Variants in CDK7 observed in about 807,000 individuals in gnomAD.
CDK7 encodes cyclin dependent kinase 7.
Under a neutral mutation model 49.1 loss-of-function variants are expected in CDK7, and 25 were observed. The ratio of observed to expected loss-of-function variants is 0.51; its 90% CI spans 0.37 to 0.71. CDK7 has a LOEUF of 0.71. Ranked by LOEUF, CDK7 falls within the 30% of genes least tolerant of loss-of-function variation. The pLI is 0.00. For synonymous variants in CDK7, 107 were observed against 140.0 expected (o/e 0.76, Z 1.67); for missense variants, 316 against 411.7 (o/e 0.77, Z 2.01).
At chr5:69,258,009 A>T in intron 5 of CDK7, 34 bp from the exon 6 acceptor site, 1 of 985,916 alleles carries the variant, frequency 1.0e-6, no homozygotes, top group Non-Finnish European at 1.6e-6. Flanking sequence ...TGAAATAATA[A>T]AGGGTACCTG....
chr5:69,236,239 TA>T (rs35402446), intron 2 of CDK7, among the ~76,000 whole-genome samples: 9,672 of 136,352 alleles, frequency 0.071, 807 homozygotes, highest in East Asian at 0.21. Context: ...GACTCCATCT[TA>T]AAAAAAAAAA....
At position 69,235,386 on chromosome 5, in the gene CDK7, C is replaced by G; in HGVS notation, c.67-8C>G. On this transcript the variant is annotated splice_region_variant and splice_polypyrimidine_tract_variant and intron_variant, in intron 1 of 11. Coordinates refer to ENST00000256443, the MANE Select transcript of CDK7 (RefSeq NM_001799.4). ...ATAAACTTATGTTATTTCTATTTTT[C>G]TTTCTAGTTTGCCACCGTTTACAAG... 6.3e-7 allele frequency: 1 copy of G among 1,583,040 alleles called. No individual in the cohort carries two copies. The highest frequency in any genetic ancestry group is 8.7e-7 in the Non-Finnish European group (1 of 1,152,552).
At chr5:69,258,878 C>G (rs989005169) in intron 6 of CDK7, among the ~76,000 whole-genome samples, 1 of 152,016 alleles carries the variant, frequency 6.6e-6, no homozygotes, top group African/African-American at 2.4e-5. Context: ...GAGTTCTAGA[C>G]CAGCCTGGGC....
chr5:69,267,544 G>T (rs372532314), intron 8 of CDK7, among the ~76,000 whole-genome samples: 1 of 151,720 alleles, frequency 6.6e-6, no homozygotes, highest in Non-Finnish European at 1.5e-5. Flanking sequence ...TGATCCACTC[G>T]CCTCACCCTC....
intron 10 of CDK7, among the ~76,000 whole-genome samples, chr5:69,275,596 T>C (rs1752037850): frequency 6.6e-6 from 1 of 152,152 alleles, no homozygotes; most frequent in Non-Finnish European, 1.5e-5. Flanking sequence ...ATGCCACAAG[T>C]GGAAAATTCT....
chr5:69,259,603 G>T (rs1750691844), intron 6 of CDK7, among the ~76,000 whole-genome samples: 1 of 152,064 alleles, frequency 6.6e-6, no homozygotes, highest in African/African-American at 2.4e-5. Flanking sequence ...TGTAAATTAT[G>T]GCTTAGTGAA....
intron 7 of CDK7, among the ~76,000 whole-genome samples, chr5:69,261,490 CTG>C (rs1168767153): frequency 0.038 from 5,304 of 139,586 alleles, 273 homozygotes; most frequent in East Asian, 0.2. Flanking sequence ...AAAAGGTTCT[CTG>C]TGTGTGTGTG....
intron 10 of CDK7, among the ~76,000 whole-genome samples, chr5:69,274,926 T>C (rs893618948): frequency 1.3e-5 from 2 of 152,034 alleles, no homozygotes; most frequent in Admixed American, 1.3e-4. Flanking sequence ...AGAAGTATTT[T>C]AAATCATTGT....
rs756945958 is a variant in CDK7 at position 69,255,707 on chromosome 5, A to G, written c.297+179A>G. The G allele has an allele frequency of 1.7e-5, 11 of 650,320 alleles. No homozygotes were observed. In the East Asian group the frequency reaches 3.0e-4, roughly 18 times the overall value. 40.3% of individuals were successfully genotyped at this position (650,320 alleles called of 1,614,324 possible). A position where few individuals can be genotyped will look rare whatever the true frequency, so the allele number is the denominator to read the frequency against. On this transcript the variant is annotated intron_variant, in intron 5 of 11. Transcript: ENST00000256443. The stretch of plus-strand genomic sequence containing the variant: ...GTTATTTTCTTCTAATCATTTAGTG[A>G]TATCCCCAGTGTTACATACAAAGAT...
Position 69,270,414 on chromosome 5 carries a change from T to C in CDK7, c.714+1121T>C, listed in dbSNP as rs1751454173. ...GAGCTGTGATTGCACCACTGCGCTT[T>C]ACCAGCATGAGTAACTGAGTGAGTC... On this transcript the variant is annotated intron_variant, in intron 9 of 11. Coordinates refer to ENST00000256443, the MANE Select transcript of CDK7 (RefSeq NM_001799.4). Among the ~76,000 whole-genome samples the C allele has an allele frequency of 1.3e-5, 2 of 152,212 alleles. 1 individual carries two copies. The highest frequency in any genetic ancestry group is 4.1e-4 in the South Asian group (2 of 4,822).
At chr5:69,255,725 A>G (rs549694633) in intron 5 of CDK7, 197 bp downstream of exon 5, 2 of 585,728 alleles carry the variant, frequency 3.4e-6, no homozygotes, top group Admixed American at 5.9e-5. Context: ...AGTGTTACAT[A>G]CAAAGATTTG....
intron 5 of CDK7, among the ~76,000 whole-genome samples, chr5:69,257,397 C>T (rs1260288387): frequency 6.6e-6 from 1 of 152,184 alleles, no homozygotes. Flanking sequence ...ACATTAGGCA[C>T]AGCTCATAAA....
At chr5:69,242,852 C>T (rs1749480360) in intron 2 of CDK7, among the ~76,000 whole-genome samples, 1 of 152,120 alleles carries the variant, frequency 6.6e-6, no homozygotes, top group South Asian at 2.1e-4. Context: ...TTGAGACCAG[C>T]CTGACCAACA....
chr5:69,245,366 C>T (rs547012647), intron 2 of CDK7, among the ~76,000 whole-genome samples: 5 of 140,236 alleles, frequency 3.6e-5, no homozygotes, highest in South Asian at 2.4e-4. Flanking sequence ...TTTTTTTTCT[C>T]GCTCTATCGC....
chr5:69,273,113 A>G (rs577275102), intron 10 of CDK7, 72 bp downstream of exon 10: 1 of 1,058,786 alleles, frequency 9.4e-7, no homozygotes, highest in African/African-American at 1.6e-5. Context: ...TAAAAATAGA[A>G]TTTCATAAAA....
intron 8 of CDK7, among the ~76,000 whole-genome samples, chr5:69,267,291 CCTT>C (rs1422136464): frequency 0.01 from 1,182 of 115,394 alleles, 37 homozygotes; most frequent in Admixed American, 0.058. Context: ...TATAAGGATT[CCTT>C]TTTTTTTTTT....
At chr5:69,264,987 G>T (rs1751051005) in intron 8 of CDK7, among the ~76,000 whole-genome samples, 1 of 150,522 alleles carries the variant, frequency 6.6e-6, no homozygotes, top group Admixed American at 6.6e-5. Context: ...AAAAAGGCCA[G>T]GCACGGTGGC....
intron 2 of CDK7, chr5:69,250,697 C>A (rs1251703151): frequency 2.2e-6 from 1 of 456,446 alleles, no homozygotes; most frequent in African/African-American, 2.0e-5. Context: ...GGTCCCTAAG[C>A]TGCAAGACAG....
chr5:69,271,513 C>CTT (rs56035306), intron 9 of CDK7, among the ~76,000 whole-genome samples: 1 of 134,324 alleles, frequency 7.4e-6, no homozygotes. Flanking sequence ...ATTTTTTTTT[C>CTT]TTTTTTTTTT....
Sources: allele counts gnomAD v4.1 joint callset (sites outside exome capture counted in the v4.1 genomes callset), GRCh38; gene constraint gnomAD v4.1.1; transcripts MANE v1.5; gene names NCBI Gene and HGNC (gene_info 2026-07-23, HGNC 2026-07-21).